The following ANXA8 variants were observed in gnomAD, a reference collection of about 807,000 sequenced individuals.
ANXA8 encodes the protein annexin A8.
ANXA8 carries 9 observed loss-of-function variants against 26.8 expected under a neutral mutation model. The ratio of observed to expected loss-of-function variants is 0.34; its 90% CI spans 0.20 to 0.59. The LOEUF (loss-of-function observed/expected upper bound fraction) is 0.59. Ranked by LOEUF, ANXA8 falls within the 20% of genes least tolerant of loss-of-function variation. ANXA8 has a pLI of 0.84. For synonymous variants in ANXA8, 39 were observed against 94.8 expected (o/e 0.41, Z 3.42); for missense variants, 83 against 238.5 (o/e 0.35, Z 4.29).
the ANXA8 span, among the ~76,000 whole-genome samples, chr10:47,896,749 C>G: frequency 1.3e-5 from 2 of 151,340 alleles, no homozygotes; most frequent in Non-Finnish European, 2.9e-5. Context: ...CTGGAGACAG[C>G]CTTCACTGCT....
chr10:47,704,354 A>T, the ANXA8 span, among the ~76,000 whole-genome samples: 1 of 142,668 alleles, frequency 7.0e-6, no homozygotes, highest in Admixed American at 7.2e-5. Flanking sequence ...AAAGCTTTTG[A>T]TAAAATTCAA....
the ANXA8 span, among the ~76,000 whole-genome samples, chr10:47,640,737 T>G: frequency 7.7e-6 from 1 of 129,694 alleles, no homozygotes; most frequent in Non-Finnish European, 1.6e-5. Flanking sequence ...CGCATTTCAC[T>G]CTATCTATTT....
At chr10:47,558,675 C>A in the ANXA8 span, among the ~76,000 whole-genome samples, 1 of 151,724 alleles carries the variant, frequency 6.6e-6, no homozygotes. Context: ...CATGAGCCAC[C>A]ATGCCTAACC....
At chr10:47,765,363 C>CATGG in the ANXA8 span, among the ~76,000 whole-genome samples, 1 of 150,904 alleles carries the variant, frequency 6.6e-6, no homozygotes, top group Non-Finnish European at 1.5e-5. Flanking sequence ...GGGACCCCTA[C>CATGG]ATGGAACCCG....
At chr10:47,627,258 T>C in the ANXA8 span, among the ~76,000 whole-genome samples, 41 of 150,226 alleles carry the variant, frequency 2.7e-4, no homozygotes, top group African/African-American at 9.6e-4. Context: ...ACTCATACTG[T>C]CATTTAATCA....
the ANXA8 span, among the ~76,000 whole-genome samples, chr10:47,776,990 C>G: frequency 6.6e-6 from 1 of 151,932 alleles, no homozygotes; most frequent in African/African-American, 2.4e-5. Context: ...GCTCGCCCCT[C>G]TGGTTAAAAG....
At chr10:47,743,317 T>TATATATATAC in the ANXA8 span, among the ~76,000 whole-genome samples, 15,192 of 37,758 alleles carry the variant, frequency 0.4, 4,006 homozygotes, top group South Asian at 0.51. Flanking sequence ...TATATACACA[T>TATATATATAC]ATATATATAT....
chr10:47,985,954 G>C, the ANXA8 span: 1 of 150,428 alleles, frequency 6.6e-6, no homozygotes, highest in Admixed American at 6.6e-5. Context: ...CCATTCCATT[G>C]TATGGATTCA....
the ANXA8 span, among the ~76,000 whole-genome samples, chr10:47,649,807 C>T: frequency 7.1e-6 from 1 of 139,922 alleles, no homozygotes; most frequent in Non-Finnish European, 1.5e-5. Context: ...TGGCTCACTG[C>T]AGTTTCAACC....
At chr10:47,659,136 G>GT in the ANXA8 span, among the ~76,000 whole-genome samples, 1 of 151,872 alleles carries the variant, frequency 6.6e-6, no homozygotes, top group African/African-American at 2.4e-5. Flanking sequence ...CTCCCAAAGT[G>GT]CTGGGATTAC....
the ANXA8 span, among the ~76,000 whole-genome samples, chr10:47,699,747 G>A: frequency 6.6e-6 from 1 of 151,650 alleles, no homozygotes; most frequent in Admixed American, 6.6e-5. Flanking sequence ...AGGATTGCTT[G>A]AGCCCAGGCT....
the ANXA8 span, among the ~76,000 whole-genome samples, chr10:47,949,885 G>A: frequency 6.7e-6 from 1 of 150,074 alleles, no homozygotes; most frequent in Non-Finnish European, 1.5e-5. Flanking sequence ...AATGACAAAT[G>A]GTAGATTTAT....
At chr10:47,656,233 C>A in the ANXA8 span, among the ~76,000 whole-genome samples, 1 of 151,404 alleles carries the variant, frequency 6.6e-6, no homozygotes, top group Non-Finnish European at 1.5e-5. Context: ...CTTGTTTCTA[C>A]AAAAAATACA....
chr10:47,632,274 C>T, the ANXA8 span, among the ~76,000 whole-genome samples: 1 of 150,258 alleles, frequency 6.7e-6, no homozygotes, highest in Non-Finnish European at 1.5e-5. Context: ...TAATGTGACA[C>T]TTTATTGGCT....
chr10:47,748,578 G>A, the ANXA8 span, among the ~76,000 whole-genome samples: 13 of 152,182 alleles, frequency 8.5e-5, no homozygotes, highest in African/African-American at 3.1e-4. Flanking sequence ...GCAGCTAGAG[G>A]CAGGTAGGAG....
the ANXA8 span, among the ~76,000 whole-genome samples, chr10:47,681,572 T>A: frequency 1.8e-5 from 2 of 112,006 alleles, no homozygotes; most frequent in East Asian, 3.4e-4. Context: ...CACTCTGTCA[T>A]CCAGGCTGGA....
At chr10:47,914,825 T>TTCTGAATTTAGGCATTAAA in the ANXA8 span, among the ~76,000 whole-genome samples, 29 of 143,432 alleles carry the variant, frequency 2.0e-4, no homozygotes, top group African/African-American at 7.0e-4. Flanking sequence ...GATTCAGTAA[T>TTCTGAATTTAGGCATTAAA]TTCTCTAATT....
the ANXA8 span, among the ~76,000 whole-genome samples, chr10:47,733,205 CTTT>C: frequency 2.5e-5 from 2 of 78,692 alleles, no homozygotes; most frequent in East Asian, 3.9e-4. Context: ...TTCTTTCTTT[CTTT>C]CTTTCTTTCT....
the ANXA8 span, among the ~76,000 whole-genome samples, chr10:47,970,671 T>C: frequency 1.3e-5 from 2 of 151,556 alleles, no homozygotes; most frequent in African/African-American, 4.8e-5. Context: ...TATTACATAT[T>C]TAATTCCTAA....
Sources: allele counts gnomAD v4.1 joint callset (sites outside exome capture counted in the v4.1 genomes callset), GRCh38; gene constraint gnomAD v4.1.1; transcripts MANE v1.5; gene names NCBI Gene and HGNC (gene_info 2026-07-23, HGNC 2026-07-21).